The following UQCC1 variants were observed in gnomAD, a reference collection of about 807,000 sequenced individuals.
The protein encoded by UQCC1 is ubiquinol-cytochrome c reductase complex assembly factor 1.
UQCC1 carries 38 observed loss-of-function variants against 48.0 expected under a neutral mutation model. The observed-to-expected ratio is 0.79, with a 90% CI of 0.61 to 1.04. The LOEUF is 1.04. Among genes scored for constraint, UQCC1 ranks in the 50% least tolerant of loss-of-function variants. The pLI is 0.00. For missense variants in UQCC1, 368 were observed against 381.8 expected (o/e 0.96, Z 0.30); for synonymous variants, 111 against 129.2 (o/e 0.86, Z 0.95).
At chr20:35,343,959 A>C (rs2061407415) in intron 7 of UQCC1, among the ~76,000 whole-genome samples, 1 of 152,188 alleles carries the variant, frequency 6.6e-6, no homozygotes, top group African/African-American at 2.4e-5. Context: ...ATCTACAACA[A>C]TCCAAATAGA....
intron 7 of UQCC1, among the ~76,000 whole-genome samples, chr20:35,330,893 T>G (rs2012031976): frequency 6.6e-6 from 1 of 152,156 alleles, no homozygotes; most frequent in Admixed American, 6.5e-5. Context: ...CTAACTCCAC[T>G]CTTGTAGCTC....
chr20:35,351,391 CAAAAAA>C (rs11478013), intron 6 of UQCC1, among the ~76,000 whole-genome samples: 1 of 119,852 alleles, frequency 8.3e-6, no homozygotes. Flanking sequence ...GACTCCATCT[CAAAAAA>C]AAAAAAAAAA....
intron 1 of UQCC1, among the ~76,000 whole-genome samples, chr20:35,410,766 A>AC (rs2062348955): frequency 7.0e-6 from 1 of 142,554 alleles, no homozygotes. Context: ...AAAAAAAAAA[A>AC]AAAAAAAAAA....
intron 4 of UQCC1, among the ~76,000 whole-genome samples, chr20:35,381,693 C>A (rs770814131): frequency 6.6e-6 from 1 of 152,120 alleles, no homozygotes; most frequent in Non-Finnish European, 1.5e-5. Context: ...TCAAAAAGGT[C>A]GCACATAGAG....
At chr20:35,361,402 G>A (rs977402334) in intron 6 of UQCC1, among the ~76,000 whole-genome samples, 11 of 151,854 alleles carry the variant, frequency 7.2e-5, no homozygotes, top group Non-Finnish European at 1.0e-4. Context: ...ACATAGCCTT[G>A]TCACATCCTC....
intron 7 of UQCC1, among the ~76,000 whole-genome samples, chr20:35,317,076 C>T (rs1412713126): frequency 2.0e-5 from 3 of 152,062 alleles, no homozygotes; most frequent in Non-Finnish European, 2.9e-5. Flanking sequence ...GCTGGGATTA[C>T]AGGCACCTGC....
At position 35,316,083 on chromosome 20, in the gene UQCC1, C is replaced by T. The variant is rs140518294; in HGVS notation, c.574-1318G>A. ...GTAACACGCTGTAAGGCAGGGTCCA[C>T]GTTTTATTCCTCTTCAGGATCCCAG... On this transcript the variant is annotated intron_variant, in intron 7 of 9. Coordinates refer to ENST00000374385, the MANE Select transcript of UQCC1 (RefSeq NM_018244.5). 2.9e-3 allele frequency among the ~76,000 whole-genome samples: 445 copies of T among 152,202 alleles called. 3 individuals carry two copies. The highest frequency in any genetic ancestry group is 5.4e-3 in the East Asian group (28 of 5,162).
chr20:35,335,602 T>C (rs924793172), intron 7 of UQCC1, among the ~76,000 whole-genome samples: 1 of 152,214 alleles, frequency 6.6e-6, no homozygotes, highest in Non-Finnish European at 1.5e-5. Flanking sequence ...CCTATTTATA[T>C]GAAATGTCCC....
intron 1 of UQCC1, among the ~76,000 whole-genome samples, chr20:35,408,122 G>A (rs2062279820): frequency 6.6e-6 from 1 of 152,040 alleles, no homozygotes; most frequent in Admixed American, 6.6e-5. Context: ...CATTAGAATG[G>A]CAATTGTCAA....
At chr20:35,366,968 C>G (rs1344255571) in intron 5 of UQCC1, among the ~76,000 whole-genome samples, 2 of 151,840 alleles carry the variant, frequency 1.3e-5, no homozygotes. Context: ...GTGGTGGGCG[C>G]CTGTAATCCC....
intron 2 of UQCC1, among the ~76,000 whole-genome samples, chr20:35,389,628 G>A (rs1233126115): frequency 6.6e-6 from 1 of 152,030 alleles, no homozygotes; most frequent in African/African-American, 2.4e-5. Context: ...ATATCCATGA[G>A]CTCATACTGG....
rs144948149 is a variant in UQCC1, at chr20:35,303,608, C to A, written c.*327G>T. On this transcript the variant is annotated 3_prime_UTR_variant, in exon 10 of 10. Coordinates refer to ENST00000374385, the MANE Select transcript of UQCC1 (RefSeq NM_018244.5). ...GGTTTCCCTTTTGAACCTACACCAT[C>A]CCTTCCTTGGCCTTTGGGAAAAGCT... The A allele has an allele frequency of 3.2e-4, 96 of 297,874 alleles. No homozygotes were observed. In the Middle Eastern group the frequency reaches 3.3e-3, roughly 10 times the overall value. 18.5% of individuals were successfully genotyped at this position (297,874 alleles called of 1,614,324 possible). A position where few individuals can be genotyped will look rare whatever the true frequency, so the allele number is the denominator to read the frequency against.
chr20:35,313,906 C>G (rs889911687), intron 8 of UQCC1, among the ~76,000 whole-genome samples: 1 of 151,894 alleles, frequency 6.6e-6, no homozygotes, highest in African/African-American at 2.4e-5. Context: ...CTATGCCTGG[C>G]CAGGTCTTCT....
At chr20:35,309,526 A>G (rs2060967374) in intron 8 of UQCC1, among the ~76,000 whole-genome samples, 1 of 152,158 alleles carries the variant, frequency 6.6e-6, no homozygotes, top group Non-Finnish European at 1.5e-5. Context: ...AAAACAAATG[A>G]GAGACTAATC....
chr20:35,329,794 A>G (rs1438202170), intron 7 of UQCC1, among the ~76,000 whole-genome samples: 1 of 152,154 alleles, frequency 6.6e-6, no homozygotes, highest in Non-Finnish European at 1.5e-5. Context: ...TAGGACATGG[A>G]GTGAGAGGCA....
chr20:35,392,327 G>A, intron 2 of UQCC1: 1 of 1,287,198 alleles, frequency 7.8e-7, no homozygotes, highest in Non-Finnish European at 1.0e-6. Flanking sequence ...ACGACAAAAG[G>A]TCCAGTTGAT....
intron 4 of UQCC1, among the ~76,000 whole-genome samples, chr20:35,374,498 T>C (rs976522397): frequency 6.6e-6 from 1 of 152,242 alleles, no homozygotes; most frequent in African/African-American, 2.4e-5. Context: ...GCTTTTCCAA[T>C]ATTTAAATGA....
chr20:35,363,213 G>T (rs1480453540), intron 6 of UQCC1, among the ~76,000 whole-genome samples: 1 of 152,132 alleles, frequency 6.6e-6, no homozygotes, highest in African/African-American at 2.4e-5. Flanking sequence ...GACTGAGCAG[G>T]TGAAGGGGTG....
intron 7 of UQCC1, among the ~76,000 whole-genome samples, chr20:35,326,188 G>A (rs965394389): frequency 2.6e-5 from 4 of 152,200 alleles, no homozygotes; most frequent in Non-Finnish European, 5.9e-5. Flanking sequence ...AAAGAGGAAG[G>A]CATGCTTTCA....
Sources: gnomAD v4.1 joint callset for allele counts (sites outside exome capture counted in the v4.1 genomes callset) on GRCh38, gnomAD v4.1.1 for gene constraint, MANE v1.5 for transcripts, NCBI Gene and HGNC (gene_info 2026-07-23, HGNC 2026-07-21) for gene names.